The following USP15 variants were observed in gnomAD, a reference collection of about 807,000 sequenced individuals.
USP15 encodes ubiquitin specific peptidase 15.
USP15 carries 18 observed loss-of-function variants against 127.1 expected under a neutral mutation model. The observed-to-expected ratio is 0.14, with a 90% confidence interval of 0.10 to 0.21. The LOEUF is 0.21. Ranked by LOEUF, USP15 falls within the 10% of genes least tolerant of loss-of-function variation. The probability of loss-of-function intolerance (pLI) is 1.00; values close to 1 mark genes in which losing one functional copy is unlikely to be tolerated. For missense variants in USP15, 805 were observed against 1,159.9 expected, an observed-to-expected ratio of 0.69 and a Z score of 4.44; for synonymous variants, 364 against 393.7, an observed-to-expected ratio of 0.92 and a Z score of 0.89.
chr12:62,394,162 C>A (rs75334651), intron 19 of USP15, among the ~76,000 whole-genome samples: 3,355 of 152,196 alleles, frequency 0.022, 125 homozygotes, highest in African/African-American at 0.075. Flanking sequence ...TTCAGAATGA[C>A]AAAAAGGGAA....
intron 3 of USP15, among the ~76,000 whole-genome samples, chr12:62,306,784 G>A (rs1282655425): frequency 1.3e-5 from 2 of 152,090 alleles, no homozygotes; most frequent in Non-Finnish European, 2.9e-5. Context: ...AAAACTCAGA[G>A]TATTCTCAGA....
chr12:62,268,260 G>C (rs1213865154), intron 1 of USP15, among the ~76,000 whole-genome samples: 1 of 152,070 alleles, frequency 6.6e-6, no homozygotes, highest in African/African-American at 2.4e-5. Context: ...GTCAGTGGTA[G>C]AGCAGGAGGT....
At position 62,349,260 on chromosome 12, in the gene USP15, C is replaced by T; in HGVS notation, c.723C>T (p.Ile241=). 6.7e-7 allele frequency: 1 copy of T among 1,497,452 alleles called. No homozygotes were observed. The highest frequency in any genetic ancestry group is 8.9e-7 in the Non-Finnish European group (1 of 1,124,398). The allele number at this position is 1,497,452 out of a possible 1,614,324, so 92.8% of individuals were successfully genotyped here. The change falls in exon 7 of 22, where the codon ATC becomes ATT. Residue 241 remains isoleucine, a synonymous_variant. Coordinates refer to ENST00000280377, the MANE Select transcript of USP15 (RefSeq NM_001252078.2). The part of the protein sequence containing the change: ...GASNFSTLPK[I]SPSSLSNNYN... Reference sequence around the variant, plus strand: ...CCAATTTTTCAACTTTACCAAAGATCTCTCCTTCATCTCTATCAAATAATT... The same window carrying T: ...CCAATTTTTCAACTTTACCAAAGATTTCTCCTTCATCTCTATCAAATAATT...
intron 1 of USP15, among the ~76,000 whole-genome samples, chr12:62,262,355 T>G (rs139647629): frequency 2.9e-3 from 446 of 152,340 alleles, no homozygotes; most frequent in African/African-American, 0.01. Flanking sequence ...GACAAATAAG[T>G]CCCCGCTGGC....
chr12:62,399,052 A>G (rs189937139), intron 20 of USP15, among the ~76,000 whole-genome samples: 15 of 151,854 alleles, frequency 9.9e-5, no homozygotes, highest in Admixed American at 9.8e-4. Context: ...TCTTTTTGGT[A>G]TCATTTAATT....
chr12:62,367,188 A>G (rs1027776392), intron 8 of USP15, among the ~76,000 whole-genome samples: 9 of 151,964 alleles, frequency 5.9e-5, no homozygotes, highest in Non-Finnish European at 1.2e-4. Flanking sequence ...TAGGTAGACT[A>G]TTAATTACTG....
Position 62,302,844 on chromosome 12 carries a change from T to A in USP15, c.272T>A (p.Leu91Gln). The A allele has an allele frequency of 6.2e-7, 1 of 1,613,182 alleles. No individual in the cohort carries two copies. The highest frequency in any genetic ancestry group is 8.5e-7 in the Non-Finnish European group (1 of 1,179,354). ...CTTATTGATGAATTGGATTACATACTGTTGCCAACTGAAGGTTGGAATAAA... is the reference window on the plus strand; with the variant it reads ...CTTATTGATGAATTGGATTACATACAGTTGCCAACTGAAGGTTGGAATAAA... Reference protein sequence around the residue: ...EHLIDELDYILLPTEGWNKLV... With the variant: ...EHLIDELDYIQLPTEGWNKLV... The change falls in exon 3 of 22, where the codon CTG becomes CAG. Residue 91 changes from leucine to glutamine, a missense_variant. Leu to Gln is a moderately radical substitution (Grantham distance 113). This residue lies in a region of USP15 where 69 missense variants were observed against 126.4 expected (regional missense o/e 0.55). Transcript: ENST00000280377.
chr12:62,379,387 A>G (rs967453478), intron 8 of USP15, among the ~76,000 whole-genome samples: 2 of 152,132 alleles, frequency 1.3e-5, no homozygotes, highest in African/African-American at 4.8e-5. Context: ...TGGGCTTCCA[A>G]TCTGTAAGCA....
rs34411608 is a variant in USP15, at chr12:62,304,830, TAA to T, written c.348+1924_348+1925del. The stretch of plus-strand genomic sequence containing the variant: ...TTTAGAATAGTGGGCTTATTATGCT[TAA>T]AAAAAAAAAAAAAGGCAGATGAGAA... On this transcript the variant is annotated intron_variant, in intron 3 of 21. Transcript: ENST00000280377. The T allele has an allele frequency of 8.6e-3, 1,495 of 173,586 alleles. 2 individuals carry two copies. Among genetic ancestry groups the T allele is most frequent in the South Asian group, 0.023 (274 of 12,144 alleles). 10.8% of individuals were successfully genotyped at this position (173,586 alleles called of 1,614,324 possible).
At chr12:62,393,497 A>T in intron 19 of USP15, 1 of 227,240 alleles carries the variant, frequency 4.4e-6, no homozygotes. Context: ...TAAATCTAAG[A>T]TACTTTATGG....
intron 1 of USP15, among the ~76,000 whole-genome samples, chr12:62,280,152 TTAA>T (rs1259184124): frequency 5.9e-5 from 9 of 152,186 alleles, no homozygotes; most frequent in East Asian, 1.9e-4. Flanking sequence ...GTTATTAAAC[TTAA>T]TAAAGGTAAT....
chr12:62,318,998 T>A (rs1012506758), intron 4 of USP15, among the ~76,000 whole-genome samples: 1 of 152,210 alleles, frequency 6.6e-6, no homozygotes, highest in Admixed American at 6.5e-5. Context: ...TGACCTTGAA[T>A]TAGTCCATTC....
At chr12:62,284,294 A>G (rs564565728) in intron 1 of USP15, among the ~76,000 whole-genome samples, 12 of 152,334 alleles carry the variant, frequency 7.9e-5, no homozygotes, top group African/African-American at 2.4e-4. Flanking sequence ...AGTCATTGCT[A>G]GTCTAGTCAA....
At chr12:62,387,353 G>A (rs1395203837) in intron 11 of USP15, among the ~76,000 whole-genome samples, 1 of 152,172 alleles carries the variant, frequency 6.6e-6, no homozygotes, top group Non-Finnish European at 1.5e-5. Flanking sequence ...TACTAGGATA[G>A]CAGGCTAATC....
intron 2 of USP15, among the ~76,000 whole-genome samples, chr12:62,295,304 A>G (rs2064097560): frequency 6.6e-6 from 1 of 152,230 alleles, no homozygotes; most frequent in Non-Finnish European, 1.5e-5. Flanking sequence ...GGAAAACCAC[A>G]TAATTTAGAG....
chr12:62,332,519 T>C (rs1209120258), intron 6 of USP15, among the ~76,000 whole-genome samples: 2 of 152,146 alleles, frequency 1.3e-5, no homozygotes, highest in African/African-American at 4.8e-5. Context: ...GTGGAGTCAT[T>C]ATAGAAACCT....
At chr12:62,349,757 C>T (rs2065915218) in intron 7 of USP15, among the ~76,000 whole-genome samples, 1 of 151,958 alleles carries the variant, frequency 6.6e-6, no homozygotes, top group South Asian at 2.1e-4. Context: ...AAACAATTTC[C>T]TTACCTCTTG....
At chr12:62,322,117 C>T (rs2065002463) in intron 5 of USP15, among the ~76,000 whole-genome samples, 2 of 152,036 alleles carry the variant, frequency 1.3e-5, no homozygotes, top group Non-Finnish European at 2.9e-5. Context: ...GGTGTCAGCT[C>T]CCAATTTGGC....
chr12:62,266,303 A>G (rs1473545234), intron 1 of USP15, among the ~76,000 whole-genome samples: 1 of 152,188 alleles, frequency 6.6e-6, no homozygotes, highest in African/African-American at 2.4e-5. Context: ...TTTTAAAAGT[A>G]TGGTATTGGT....
Sources: gnomAD v4.1 joint callset for allele counts (sites outside exome capture counted in the v4.1 genomes callset) on GRCh38, gnomAD v4.1.1 for gene constraint, gnomAD v4.1.1 regional missense constraint, MANE v1.5 for transcripts, NCBI Gene and HGNC (gene_info 2026-07-23, HGNC 2026-07-21) for gene names.